The following EIPR1 variants were observed in gnomAD, a reference collection of about 807,000 sequenced individuals.
The protein encoded by EIPR1 is EARP and GARP complex-interacting protein 1.
In EIPR1, 25 loss-of-function variants were observed where a neutral mutation model predicts 48.1. The observed-to-expected ratio is 0.52, with a 90% CI of 0.38 to 0.73. EIPR1 has a LOEUF of 0.73. EIPR1 is among the 30% of genes least tolerant of loss of function. The pLI is 0.00. For missense variants in EIPR1, 415 were observed against 506.2 expected, an observed-to-expected ratio of 0.82 and a Z score of 1.73; for synonymous variants, 204 against 201.9, an observed-to-expected ratio of 1.01 and a Z score of -0.09.
At chr2:3,219,124 T>C (rs1284462209) in intron 4 of EIPR1, among the ~76,000 whole-genome samples, 1 of 146,556 alleles carries the variant, frequency 6.8e-6, no homozygotes, top group African/African-American at 2.5e-5. Context: ...AGCATGGCCC[T>C]GGTATACTCT....
intron 2 of EIPR1, among the ~76,000 whole-genome samples, chr2:3,341,095 CAAAAAAAAAAAA>C (rs55667121): frequency 4.5e-5 from 1 of 22,198 alleles, no homozygotes; most frequent in Non-Finnish European, 1.0e-4. Context: ...GATCCTGTCT[CAAAAAAAAAAAA>C]AAAAAAAAAA....
chr2:3,206,144 G>T (rs1665227489), intron 5 of EIPR1, among the ~76,000 whole-genome samples: 1 of 152,162 alleles, frequency 6.6e-6, no homozygotes, highest in African/African-American at 2.4e-5. Context: ...GGGAGGGCTG[G>T]GCTCTCCTGG....
chr2:3,224,526 T>C (rs145572645), intron 4 of EIPR1, among the ~76,000 whole-genome samples: 1 of 152,202 alleles, frequency 6.6e-6, no homozygotes, highest in Non-Finnish European at 1.5e-5. Context: ...ATCACAAGGC[T>C]CCAGGCTCTG....
At chr2:3,246,981 G>GGAGGGAGGGAGGGAGC (rs1666836057) in intron 4 of EIPR1, among the ~76,000 whole-genome samples, 1 of 210 alleles carries the variant, frequency 4.8e-3, no homozygotes, top group Non-Finnish European at 0.01. Flanking sequence ...AAGGAGGGAG[G>GGAGGGAGGGAGGGAGC]GAGGGAGGGA....
chr2:3,307,458 C>T (rs537557151), intron 3 of EIPR1, among the ~76,000 whole-genome samples: 46 of 152,324 alleles, frequency 3.0e-4, no homozygotes, highest in African/African-American at 1.0e-3. Context: ...CATGCTGGGG[C>T]CCCAGAAAGC....
chr2:3,364,524 A>T (rs1356684104), intron 1 of EIPR1, among the ~76,000 whole-genome samples: 3 of 151,446 alleles, frequency 2.0e-5, no homozygotes, highest in Admixed American at 6.6e-5. Flanking sequence ...AGTCCCAGCC[A>T]CTCTAGGGCC....
At chr2:3,266,855 A>C (rs962936803) in intron 3 of EIPR1, among the ~76,000 whole-genome samples, 1 of 152,254 alleles carries the variant, frequency 6.6e-6, no homozygotes, top group African/African-American at 2.4e-5. Context: ...AGAAAGGCTC[A>C]GGACAGACAG....
intron 4 of EIPR1, among the ~76,000 whole-genome samples, chr2:3,255,465 G>A (rs1458158837): frequency 6.6e-6 from 1 of 152,224 alleles, no homozygotes; most frequent in Non-Finnish European, 1.5e-5. Flanking sequence ...TTACAGGTGT[G>A]AGCCACTGCA....
At position 3,189,262 on chromosome 2, in the gene EIPR1, G is replaced by A; in HGVS notation, c.*72C>T. On this transcript the variant is annotated 3_prime_UTR_variant, in exon 9 of 9. Coordinates refer to ENST00000382125, the MANE Select transcript of EIPR1 (RefSeq NM_003310.5). The surrounding 1 kb of genome is among the most constrained non-coding windows in gnomAD (Gnocchi z 4.6). ...ACCTGGAACACGAGTCACCTCCAAAGAGCTGCGACTGTTTGAGAATCTGCC... is the reference window on the plus strand; with the variant it reads ...ACCTGGAACACGAGTCACCTCCAAAAAGCTGCGACTGTTTGAGAATCTGCC... 2.8e-6 allele frequency: 4 copies of A among 1,412,224 alleles called. No individual in the cohort carries two copies. Among genetic ancestry groups the A allele is most frequent in the Non-Finnish European group, 3.8e-6 (4 of 1,062,046 alleles). The allele number at this position is 1,412,224 out of a possible 1,614,324, so 87.5% of individuals were successfully genotyped here.
chr2:3,256,971 T>C (rs543787950), intron 4 of EIPR1, among the ~76,000 whole-genome samples: 100 of 152,292 alleles, frequency 6.6e-4, no homozygotes, highest in African/African-American at 2.2e-3. Context: ...TGTGAATAAG[T>C]GCATGCTGAC....
intron 8 of EIPR1, among the ~76,000 whole-genome samples, chr2:3,190,886 G>A (rs1664583421): frequency 6.6e-6 from 1 of 152,208 alleles, no homozygotes; most frequent in Non-Finnish European, 1.5e-5. Flanking sequence ...CAGATCACTT[G>A]AGCTCAGGAG....
At chr2:3,220,444 A>G (rs1474141797) in intron 4 of EIPR1, among the ~76,000 whole-genome samples, 1 of 151,996 alleles carries the variant, frequency 6.6e-6, no homozygotes, top group African/African-American at 2.4e-5. Context: ...ATACACTCAC[A>G]ATGGCTGAAA....
chr2:3,346,187 A>T (rs1007034888), intron 2 of EIPR1, among the ~76,000 whole-genome samples: 1 of 152,226 alleles, frequency 6.6e-6, no homozygotes, highest in Non-Finnish European at 1.5e-5. Context: ...CCCATGGGAG[A>T]TTCTGGGCAT....
intron 2 of EIPR1, among the ~76,000 whole-genome samples, chr2:3,353,774 C>A (rs929813658): frequency 1.3e-5 from 2 of 152,108 alleles, no homozygotes; most frequent in African/African-American, 2.4e-5. Flanking sequence ...TATCGACATA[C>A]GAGAGTGACA....
At chr2:3,196,733 G>A in intron 6 of EIPR1, 148 bp downstream of exon 6, 1 of 1,257,308 alleles carries the variant, frequency 8.0e-7, no homozygotes, top group Non-Finnish European at 1.1e-6. Flanking sequence ...GAAACAAGAT[G>A]AAGATTTATG....
At chr2:3,363,770 C>T (rs1055858770) in intron 1 of EIPR1, among the ~76,000 whole-genome samples, 4 of 145,070 alleles carry the variant, frequency 2.8e-5, no homozygotes, top group Non-Finnish European at 4.5e-5. Context: ...GATTAATAAC[C>T]ACAACAGATA....
chr2:3,351,678 T>G (rs188407715), intron 2 of EIPR1, among the ~76,000 whole-genome samples: 2 of 152,202 alleles, frequency 1.3e-5, no homozygotes, highest in Non-Finnish European at 2.9e-5. Flanking sequence ...AATTCCCTTC[T>G]TATATTTTTT....
chr2:3,208,680 C>A (rs1271046418), intron 5 of EIPR1: 2 of 1,550,598 alleles, frequency 1.3e-6, no homozygotes, highest in Middle Eastern at 3.3e-4. Context: ...ATAACTCAAC[C>A]CCAATTCCCC....
In EIPR1 at chr2:3,339,723, C is replaced by T. The variant is rs544677413; in HGVS notation, c.127-1574G>A. On this transcript the variant is annotated intron_variant, in intron 2 of 8. Transcript: ENST00000382125. Reference sequence around the variant, plus strand: ...TAGCACTTTGGGAGGCCGAGGCGGGCGGATCACCTGAGGTCAGGAATTTGA... The same window carrying T: ...TAGCACTTTGGGAGGCCGAGGCGGGTGGATCACCTGAGGTCAGGAATTTGA... Among the ~76,000 whole-genome samples, 60 of 152,250 alleles carry T rather than the reference C, an allele frequency of 3.9e-4. 1 individual carries two copies. In the South Asian group the frequency reaches 0.012, roughly 30 times the overall value.
Sources: allele counts gnomAD v4.1 joint callset (sites outside exome capture counted in the v4.1 genomes callset), GRCh38; gene constraint gnomAD v4.1.1; non-coding constraint Gnocchi (gnomAD v3.1); transcripts MANE v1.5; gene names NCBI Gene and HGNC (gene_info 2026-07-23, HGNC 2026-07-21).